Variants in WASL observed in about 807,000 individuals in gnomAD.
WASL encodes the protein WASP like actin nucleation promoting factor.
WASL carries 20 observed loss-of-function variants against 55.5 expected under a neutral mutation model. The observed-to-expected ratio is 0.36, with a 90% confidence interval of 0.25 to 0.52. The LOEUF is 0.52. Among genes scored for constraint, WASL ranks in the 20% least tolerant of loss-of-function variants. WASL has a pLI of 0.92. For missense variants in WASL, 504 were observed against 622.5 expected (o/e 0.81, Z 2.03); for synonymous variants, 249 against 217.6 (o/e 1.14, Z -1.27).
Position 123,696,412 on chromosome 7 carries a change from TA to T in WASL, c.629+166del, listed in dbSNP as rs367962329. ...AAGAACATCTATTGAGCAGCTGCCTTAAAAAAAAAAAAAAACTCCAATAAAG... is the reference window on the plus strand; with the variant it reads ...AAGAACATCTATTGAGCAGCTGCCTTAAAAAAAAAAAAAACTCCAATAAAG... On this transcript the variant is annotated intron_variant, in intron 6 of 10. Transcript: ENST00000223023. 4.4e-3 allele frequency among the ~76,000 whole-genome samples: 606 copies of T among 136,212 alleles called. 2 individuals carry two copies. The highest frequency in any genetic ancestry group is 7.9e-3 in the African/African-American group (295 of 37,202). The allele number at this position is 136,212 out of a possible 152,430, so 89.4% of individuals were successfully genotyped here.
Position 123,720,580 on chromosome 7 carries a change from G to T in WASL, c.118-11357C>A. On this transcript the variant is annotated intron_variant, in intron 1 of 10. Coordinates refer to ENST00000223023, the MANE Select transcript of WASL (RefSeq NM_003941.4). ...TCTGTGTGTGGACAGGTATTTTGTT[G>T]GAGAAGAAATGACTAGGCAAATGAA... Among the ~76,000 whole-genome samples the T allele has an allele frequency of 1.3e-5, 2 of 151,888 alleles. 1 individual carries two copies. Among genetic ancestry groups the T allele is most frequent in the Non-Finnish European group, 2.9e-5 (2 of 67,996 alleles).
chr7:123,729,163 C>G (rs1472283214), intron 1 of WASL, among the ~76,000 whole-genome samples: 2 of 151,914 alleles, frequency 1.3e-5, no homozygotes, highest in East Asian at 3.9e-4. Flanking sequence ...ACTTGTAAAT[C>G]AAAAGTGAAA....
chr7:123,690,009 C>T (rs546707916), intron 9 of WASL, among the ~76,000 whole-genome samples: 1 of 152,140 alleles, frequency 6.6e-6, no homozygotes, highest in African/African-American at 2.4e-5. Context: ...GTGGTTCCCC[C>T]TAAGATATAG....
rs1348375705 is a variant in WASL, at chr7:123,694,701, G to C, written c.826+14C>G. 6.2e-7 allele frequency: 1 copy of C among 1,611,296 alleles called. No homozygotes were observed. Among genetic ancestry groups the C allele is most frequent in the Non-Finnish European group, 8.5e-7 (1 of 1,179,116 alleles). ...TTAAAACAAAACAGAACGCTGAATAGAGATAAAAGTTACCTTGCCTCCGCA... is the reference window on the plus strand; with the variant it reads ...TTAAAACAAAACAGAACGCTGAATACAGATAAAAGTTACCTTGCCTCCGCA... On this transcript the variant is annotated intron_variant, in intron 8 of 10. Coordinates refer to ENST00000223023, the MANE Select transcript of WASL (RefSeq NM_003941.4).
intron 1 of WASL, among the ~76,000 whole-genome samples, chr7:123,746,209 A>C (rs1804428531): frequency 6.6e-6 from 1 of 152,182 alleles, no homozygotes; most frequent in Non-Finnish European, 1.5e-5. Flanking sequence ...CCCTTTTTAG[A>C]CCTAGTAAGC....
chr7:123,748,563 A>T, intron 1 of WASL, 55 bp downstream of exon 1: 1 of 1,571,672 alleles, frequency 6.4e-7, no homozygotes, highest in Non-Finnish European at 8.7e-7. Flanking sequence ...CCGGCCCCCA[A>T]GCCCGGGCCC....
At chr7:123,736,119 C>G (rs533704276) in intron 1 of WASL, among the ~76,000 whole-genome samples, 26 of 152,126 alleles carry the variant, frequency 1.7e-4, no homozygotes, top group African/African-American at 5.8e-4. Context: ...GATACTGGAG[C>G]AGTATCTTTA....
intron 5 of WASL, among the ~76,000 whole-genome samples, chr7:123,704,389 A>G (rs1803635333): frequency 6.6e-6 from 1 of 152,178 alleles, no homozygotes; most frequent in African/African-American, 2.4e-5. Context: ...TCTTCATGTT[A>G]GAAAAATATC....
intron 5 of WASL, among the ~76,000 whole-genome samples, chr7:123,701,539 GA>G: frequency 6.6e-6 from 1 of 152,298 alleles, no homozygotes; most frequent in East Asian, 1.9e-4. Flanking sequence ...TAGGAGTGAG[GA>G]AGTTACTGAA....
intron 1 of WASL, among the ~76,000 whole-genome samples, chr7:123,725,961 T>C (rs1334786701): frequency 2.6e-5 from 4 of 152,196 alleles, no homozygotes; most frequent in African/African-American, 9.6e-5. Flanking sequence ...AACAGATCAG[T>C]GTTTTAAGCA....
chr7:123,729,489 A>T (rs1368515662), intron 1 of WASL, among the ~76,000 whole-genome samples: 1 of 152,146 alleles, frequency 6.6e-6, no homozygotes, highest in African/African-American at 2.4e-5. Flanking sequence ...CTTTTTTCAA[A>T]GTCTCGCAGC....
At chr7:123,744,537 A>G (rs1291816924) in intron 1 of WASL, among the ~76,000 whole-genome samples, 1 of 152,208 alleles carries the variant, frequency 6.6e-6, no homozygotes, top group East Asian at 1.9e-4. Flanking sequence ...GGAAATAAAG[A>G]TTAAGGTTGA....
chr7:123,697,191 T>C (rs980594773), intron 5 of WASL, among the ~76,000 whole-genome samples: 2 of 152,184 alleles, frequency 1.3e-5, no homozygotes, highest in Non-Finnish European at 2.9e-5. Flanking sequence ...TCAACTTTAT[T>C]AGTCAAGAAG....
chr7:123,720,236 G>A, intron 1 of WASL: 1 of 407,430 alleles, frequency 2.5e-6, no homozygotes, highest in South Asian at 1.8e-5. Flanking sequence ...CAAATCTTCA[G>A]AATCTTAAAA....
intron 8 of WASL, among the ~76,000 whole-genome samples, chr7:123,693,315 T>C (rs1205017852): frequency 6.6e-6 from 1 of 152,224 alleles, no homozygotes; most frequent in East Asian, 1.9e-4. Context: ...ACATTCAGAA[T>C]TATAGTGTAG....
chr7:123,748,208 G>C (rs370013866), intron 1 of WASL, among the ~76,000 whole-genome samples: 4 of 152,090 alleles, frequency 2.6e-5, no homozygotes, highest in African/African-American at 7.2e-5. Flanking sequence ...ACCTGGCATT[G>C]TTAAGGAACG....
chr7:123,706,913 CTG>C lies in WASL; in HGVS notation c.253-89_253-88del, dbSNP rs1458746493. 9 of 707,214 alleles carry C rather than the reference CTG, an allele frequency of 1.3e-5. No homozygotes were observed. In the Admixed American group the frequency reaches 2.0e-4, roughly 16 times the overall value. 43.8% of individuals were successfully genotyped at this position (707,214 alleles called of 1,614,324 possible). A position where few individuals can be genotyped will look rare whatever the true frequency, so the allele number is the denominator to read the frequency against. Reference sequence around the variant, plus strand: ...AAGAAGATGACTCATATTAAGAAAACTGTTTATATTAAAAATAACTTTTAATG... The same window carrying C: ...AAGAAGATGACTCATATTAAGAAAACTTTATATTAAAAATAACTTTTAATG... On this transcript the variant is annotated intron_variant, in intron 2 of 10. Coordinates refer to ENST00000223023, the MANE Select transcript of WASL (RefSeq NM_003941.4).
Position 123,692,446 on chromosome 7 carries a change from A to C in WASL, c.1248T>G (p.Gly416=), listed in dbSNP as rs761632864. ...KAALLDQIRE[G]AQLKKVEQNS... Reference sequence around the variant, plus strand: ...TCTGCTCCACTTTTTTTAGCTGAGCACCCTCTCTAATTTGATCTAAAAGAG... The same window carrying C: ...TCTGCTCCACTTTTTTTAGCTGAGCCCCCTCTCTAATTTGATCTAAAAGAG... The change falls in exon 9 of 11, where the codon GGT becomes GGG. Residue 416 remains glycine, a synonymous_variant. Transcript: ENST00000223023. 3.1e-6 allele frequency: 5 copies of C among 1,614,002 alleles called. No homozygotes were observed. In the South Asian group the frequency reaches 5.5e-5, roughly 18 times the overall value.
At chr7:123,717,109 C>G (rs1803858369) in intron 1 of WASL, among the ~76,000 whole-genome samples, 1 of 151,490 alleles carries the variant, frequency 6.6e-6, no homozygotes, top group Admixed American at 6.6e-5. Flanking sequence ...TGTTTTTTAC[C>G]TTAATTTTGG....
Sources: allele counts gnomAD v4.1 joint callset (sites outside exome capture counted in the v4.1 genomes callset), GRCh38; gene constraint gnomAD v4.1.1; transcripts MANE v1.5; gene names NCBI Gene and HGNC (gene_info 2026-07-23, HGNC 2026-07-21).